The following TBC1D14 variants were observed in gnomAD, a reference collection of about 807,000 sequenced individuals.
TBC1D14 encodes the protein TBC1 domain family, member 14.
Under a neutral mutation model 79.0 loss-of-function variants are expected in TBC1D14, and 26 were observed. The observed-to-expected ratio is 0.33, with a 90% CI of 0.24 to 0.46. The LOEUF (loss-of-function observed/expected upper bound fraction) is 0.46. Ranked by LOEUF, TBC1D14 falls within the 20% of genes least tolerant of loss-of-function variation. The pLI, the probability that TBC1D14 is intolerant of heterozygous loss-of-function variation, is 1.00. For missense variants in TBC1D14, 769 were observed against 887.6 expected (o/e 0.87, Z 1.70); for synonymous variants, 394 against 349.9 (o/e 1.13, Z -1.40).
Position 6,909,963 on chromosome 4 carries a change from C to T in TBC1D14, c.-18+12C>T, listed in dbSNP as rs1428064352. On this transcript the variant is annotated intron_variant, in intron 1 of 13. Coordinates refer to ENST00000409757, the MANE Select transcript of TBC1D14 (RefSeq NM_020773.3). Reference sequence around the variant, plus strand: ...CCGCGCTAACTCCGGTACTGAGAGCCTCCCGCGAGGGCCGGGCCGCGGGCC... The same window carrying T: ...CCGCGCTAACTCCGGTACTGAGAGCTTCCCGCGAGGGCCGGGCCGCGGGCC... 1 of 147,638 alleles carries T rather than the reference C, an allele frequency of 6.8e-6. No homozygotes were observed. The highest frequency in any genetic ancestry group is 2.4e-5 in the African/African-American group (1 of 40,968). The allele number at this position is 147,638 out of a possible 1,614,324, so 9.1% of individuals were successfully genotyped here. A position where few individuals can be genotyped will look rare whatever the true frequency, so the allele number is the denominator to read the frequency against.
At chr4:7,015,016 G>A (rs1721140702) in intron 12 of TBC1D14, among the ~76,000 whole-genome samples, 2 of 152,148 alleles carry the variant, frequency 1.3e-5, no homozygotes, top group Admixed American at 1.3e-4. Flanking sequence ...GGTGACAAGT[G>A]CATGTGCCAT....
intron 13 of TBC1D14, among the ~76,000 whole-genome samples, chr4:7,027,622 A>T (rs937435582): frequency 2.1e-5 from 1 of 46,518 alleles, no homozygotes; most frequent in African/African-American, 5.9e-5. Flanking sequence ...AGTCACATCC[A>T]CACACAATCA....
At chr4:6,944,120 C>G (rs1427671086) in intron 2 of TBC1D14, among the ~76,000 whole-genome samples, 1 of 152,186 alleles carries the variant, frequency 6.6e-6, no homozygotes, top group Non-Finnish European at 1.5e-5. Context: ...CGCAGGAAAA[C>G]TTCGGCGTCG....
chr4:7,027,940 C>T (rs771462274), intron 13 of TBC1D14, among the ~76,000 whole-genome samples: 47 of 147,092 alleles, frequency 3.2e-4, no homozygotes, highest in Non-Finnish European at 5.7e-4. Context: ...GTTACCCACA[C>T]GCACAGATCA....
chr4:6,992,834 G>A (rs948718824), intron 3 of TBC1D14, among the ~76,000 whole-genome samples: 21 of 152,178 alleles, frequency 1.4e-4, no homozygotes, highest in African/African-American at 4.3e-4. Context: ...ATGAGTCCGT[G>A]TTTTCAGTTT....
At chr4:7,012,834 G>A (rs1720907817) in intron 11 of TBC1D14, among the ~76,000 whole-genome samples, 1 of 152,146 alleles carries the variant, frequency 6.6e-6, no homozygotes, top group Non-Finnish European at 1.5e-5. Context: ...ACCTTTCCAA[G>A]AAAAGTAATG....
Position 7,032,596 on chromosome 4 carries a change from A to C in TBC1D14, c.*2204A>C, listed in dbSNP as rs1357015816. Reference sequence around the variant, plus strand: ...GGCTTGTATGACCTGTTCAGGGGTCACATGAGGTCTCGCCAGTTTCCTGGG... The same window carrying C: ...GGCTTGTATGACCTGTTCAGGGGTCCCATGAGGTCTCGCCAGTTTCCTGGG... On this transcript the variant is annotated 3_prime_UTR_variant, in exon 14 of 14. Coordinates refer to ENST00000409757, the MANE Select transcript of TBC1D14 (RefSeq NM_020773.3). The C allele has an allele frequency of 6.6e-6, 1 of 152,260 alleles. No homozygotes were observed. The highest frequency in any genetic ancestry group is 1.5e-5 in the Non-Finnish European group (1 of 68,048). The allele number at this position is 152,260 out of a possible 1,614,324, so 9.4% of individuals were successfully genotyped here.
At chr4:6,950,095 A>G (rs949819728) in intron 2 of TBC1D14, among the ~76,000 whole-genome samples, 1 of 151,994 alleles carries the variant, frequency 6.6e-6, no homozygotes, top group Non-Finnish European at 1.5e-5. Flanking sequence ...CTGTTGTGTG[A>G]TGTTCGCTCC....
At chr4:6,949,439 T>C (rs1287230124) in intron 2 of TBC1D14, among the ~76,000 whole-genome samples, 1 of 152,198 alleles carries the variant, frequency 6.6e-6, no homozygotes, top group African/African-American at 2.4e-5. Flanking sequence ...TCCCAGCACT[T>C]TGGGAAGCCG....
At chr4:6,993,333 G>C (rs1344799416) in intron 3 of TBC1D14, among the ~76,000 whole-genome samples, 1 of 152,178 alleles carries the variant, frequency 6.6e-6, no homozygotes, top group Non-Finnish European at 1.5e-5. Flanking sequence ...GCACCAACCT[G>C]TTTGGCTCTC....
chr4:7,027,333 C>G (rs976122713), intron 13 of TBC1D14, among the ~76,000 whole-genome samples: 1 of 146,458 alleles, frequency 6.8e-6, no homozygotes, highest in African/African-American at 2.6e-5. Context: ...CACAATCACC[C>G]CACACACACA....
At chr4:7,010,886 G>T (rs1175550371) in intron 11 of TBC1D14, 105 bp downstream of exon 11, 1 of 1,352,768 alleles carries the variant, frequency 7.4e-7, no homozygotes, top group South Asian at 1.4e-5. Context: ...TTTTCTCTCT[G>T]TGAAGAGATG....
intron 12 of TBC1D14, among the ~76,000 whole-genome samples, chr4:7,019,895 G>C (rs1721653100): frequency 3.6e-5 from 3 of 83,230 alleles, no homozygotes; most frequent in South Asian, 5.5e-4. Context: ...GGACACAGAG[G>C]TGGGTATGTG....
chr4:6,949,024 A>G (rs1713761120), intron 2 of TBC1D14, among the ~76,000 whole-genome samples: 1 of 150,962 alleles, frequency 6.6e-6, no homozygotes, highest in Non-Finnish European at 1.5e-5. Flanking sequence ...AATACAAAAA[A>G]TTAGCCAGGC....
chr4:6,990,543 C>T (rs953204178), intron 3 of TBC1D14, among the ~76,000 whole-genome samples: 1 of 152,146 alleles, frequency 6.6e-6, no homozygotes, highest in Admixed American at 6.5e-5. Flanking sequence ...GGGATTTTGA[C>T]GAGCACAGCA....
At chr4:7,006,877 C>T in intron 9 of TBC1D14, 151 bp downstream of exon 9, 1 of 599,042 alleles carries the variant, frequency 1.7e-6, no homozygotes. Flanking sequence ...TACATTTAGA[C>T]TTTTTAAAAT....
At chr4:7,030,240 AG>A in intron 13 of TBC1D14, 86 bp from the exon 14 acceptor site, 1 of 1,290,844 alleles carries the variant, frequency 7.7e-7, no homozygotes, top group South Asian at 1.2e-5. Context: ...GGACCCTGTT[AG>A]GAGGCTACTG....
At chr4:6,947,725 C>G (rs1473125121) in intron 2 of TBC1D14, among the ~76,000 whole-genome samples, 1 of 151,770 alleles carries the variant, frequency 6.6e-6, no homozygotes, top group African/African-American at 2.4e-5. Flanking sequence ...TTTTCCCCTC[C>G]TGTATTTAAA....
intron 2 of TBC1D14, among the ~76,000 whole-genome samples, chr4:6,930,618 C>T (rs1248171638): frequency 1.3e-5 from 2 of 151,886 alleles, no homozygotes; most frequent in African/African-American, 4.8e-5. Flanking sequence ...GCTAACATGG[C>T]GAAACTCCAT....
Sources: allele counts gnomAD v4.1 joint callset (sites outside exome capture counted in the v4.1 genomes callset), GRCh38; gene constraint gnomAD v4.1.1; transcripts MANE v1.5; gene names NCBI Gene and HGNC (gene_info 2026-07-23, HGNC 2026-07-21).